The following GRM5 variants were observed in gnomAD, a reference collection of about 807,000 sequenced individuals.
GRM5 encodes glutamate metabotropic receptor 5.
In GRM5, 19 loss-of-function variants were observed where a neutral mutation model predicts 83.1. The ratio of observed to expected loss-of-function variants is 0.23; its 90% CI spans 0.16 to 0.34. The LOEUF is 0.34. Among genes scored for constraint, GRM5 ranks in the 10% least tolerant of loss-of-function variants. The pLI, the probability that GRM5 is intolerant of heterozygous loss-of-function variation, is 1.00. For synonymous variants in GRM5, 675 were observed against 633.6 expected, an observed-to-expected ratio of 1.07 and a Z score of -0.98; for missense variants, 1,160 against 1,588.3, an observed-to-expected ratio of 0.73 and a Z score of 4.58.
chr11:88,573,464 T>C (rs547478169), intron 7 of GRM5, among the ~76,000 whole-genome samples: 2 of 152,322 alleles, frequency 1.3e-5, no homozygotes, highest in African/African-American at 4.8e-5. Context: ...CCTGATGTTC[T>C]GTAAATTGGG....
intron 3 of GRM5, among the ~76,000 whole-genome samples, chr11:88,808,155 A>C (rs957708387): frequency 6.6e-6 from 1 of 152,026 alleles, no homozygotes; most frequent in African/African-American, 2.4e-5. Context: ...TACATAGTAT[A>C]TATATGGAAT....
intron 3 of GRM5, among the ~76,000 whole-genome samples, chr11:88,772,878 T>C (rs1461692282): frequency 6.6e-6 from 1 of 152,188 alleles, no homozygotes; most frequent in Non-Finnish European, 1.5e-5. Flanking sequence ...GTTCCAAGTC[T>C]TTGCTATTGT....
At chr11:88,874,969 G>T (rs1386880180) in intron 2 of GRM5, among the ~76,000 whole-genome samples, 1 of 151,920 alleles carries the variant, frequency 6.6e-6, no homozygotes, top group Non-Finnish European at 1.5e-5. Flanking sequence ...GCTGATAGAG[G>T]ATCTTGTCTT....
intron 2 of GRM5, among the ~76,000 whole-genome samples, chr11:88,961,086 T>C (rs1262575090): frequency 6.6e-6 from 1 of 152,182 alleles, no homozygotes; most frequent in Non-Finnish European, 1.5e-5. Context: ...GGCTCTTTAA[T>C]TTATAGTTGC....
At chr11:88,558,627 C>T (rs962476192) in intron 8 of GRM5, among the ~76,000 whole-genome samples, 1 of 151,562 alleles carries the variant, frequency 6.6e-6, no homozygotes, top group Non-Finnish European at 1.5e-5. Context: ...CATGGTGAAA[C>T]CCCATCTCTT....
chr11:88,830,200 G>T (rs1943963423), intron 3 of GRM5, among the ~76,000 whole-genome samples: 1 of 151,686 alleles, frequency 6.6e-6, no homozygotes. Context: ...ATATTGCAAA[G>T]CATCAAAGAG....
intron 2 of GRM5, among the ~76,000 whole-genome samples, chr11:88,949,330 C>G (rs773069569): frequency 1.3e-5 from 2 of 152,232 alleles, no homozygotes; most frequent in Non-Finnish European, 2.9e-5. Context: ...AATCCTCACA[C>G]TATACTGCAC....
chr11:88,707,778 G>A (rs1434147943), intron 3 of GRM5, among the ~76,000 whole-genome samples: 2 of 152,090 alleles, frequency 1.3e-5, no homozygotes, highest in Non-Finnish European at 2.9e-5. Flanking sequence ...AGGACATTTA[G>A]CAGTACAAGA....
intron 2 of GRM5, among the ~76,000 whole-genome samples, chr11:88,898,447 C>T (rs1279202381): frequency 6.6e-6 from 1 of 151,876 alleles, no homozygotes; most frequent in Non-Finnish European, 1.5e-5. Flanking sequence ...TGCTTAATTT[C>T]CCAAAACTTC....
intron 8 of GRM5, among the ~76,000 whole-genome samples, chr11:88,558,401 T>C (rs1942674958): frequency 6.6e-6 from 1 of 152,096 alleles, no homozygotes; most frequent in African/African-American, 2.4e-5. Flanking sequence ...CCTCATTAAT[T>C]GTTATTATCC....
At chr11:88,756,765 G>A (rs1452582894) in intron 3 of GRM5, among the ~76,000 whole-genome samples, 1 of 152,040 alleles carries the variant, frequency 6.6e-6, no homozygotes, top group African/African-American at 2.4e-5. Flanking sequence ...AAAGGTAGGA[G>A]AAGAGTAAAA....
chr11:89,025,044 T>A (rs1303082031), intron 2 of GRM5, among the ~76,000 whole-genome samples: 1 of 152,210 alleles, frequency 6.6e-6, no homozygotes, highest in Non-Finnish European at 1.5e-5. Context: ...GAAAATTAGG[T>A]GTGGTAAGAA....
At chr11:88,949,042 A>T (rs918713886) in intron 2 of GRM5, among the ~76,000 whole-genome samples, 2 of 152,170 alleles carry the variant, frequency 1.3e-5, no homozygotes, top group Non-Finnish European at 2.9e-5. Context: ...TTTCCTCTTT[A>T]CTGTCTAGAT....
intron 2 of GRM5, among the ~76,000 whole-genome samples, chr11:89,024,088 C>T (rs1941065115): frequency 6.7e-6 from 1 of 150,336 alleles, no homozygotes; most frequent in East Asian, 2.0e-4. Context: ...TGGTGGTCCA[C>T]ATCTATAATC....
chr11:88,978,122 TA>T (rs1230939800), intron 2 of GRM5, among the ~76,000 whole-genome samples: 2 of 152,204 alleles, frequency 1.3e-5, no homozygotes, highest in African/African-American at 4.8e-5. Flanking sequence ...AAATACAAGA[TA>T]AATAAGTCCT....
chr11:88,743,227 A>G (rs1321824018), intron 3 of GRM5, among the ~76,000 whole-genome samples: 1 of 152,122 alleles, frequency 6.6e-6, no homozygotes, highest in Non-Finnish European at 1.5e-5. Flanking sequence ...CCAGTAGGCA[A>G]GTAAATGTGT....
chr11:88,550,561 CA>C (rs1412273294), intron 8 of GRM5, among the ~76,000 whole-genome samples: 3 of 152,098 alleles, frequency 2.0e-5, no homozygotes, highest in Non-Finnish European at 4.4e-5. Flanking sequence ...CTTTCATGAC[CA>C]AACCATATTG....
chr11:88,592,702 G>A (rs1023590534), intron 6 of GRM5, among the ~76,000 whole-genome samples: 2 of 152,124 alleles, frequency 1.3e-5, no homozygotes, highest in Admixed American at 1.3e-4. Flanking sequence ...TTTAGAAATT[G>A]TTTTATGTTT....
At chr11:88,757,588 C>A (rs1411373857) in intron 3 of GRM5, among the ~76,000 whole-genome samples, 1 of 151,978 alleles carries the variant, frequency 6.6e-6, no homozygotes, top group Non-Finnish European at 1.5e-5. Flanking sequence ...CCATCAATGT[C>A]CCACCCCCCT....
Sources: allele counts gnomAD v4.1 joint callset (sites outside exome capture counted in the v4.1 genomes callset), GRCh38; gene constraint gnomAD v4.1.1; transcripts MANE v1.5; gene names NCBI Gene and HGNC (gene_info 2026-07-23, HGNC 2026-07-21).